The following PATJ variants were observed in gnomAD, a reference collection of about 807,000 sequenced individuals.
The protein encoded by PATJ is inaD-like protein.
A neutral mutation model predicts 224.9 loss-of-function variants in PATJ; 190 were observed. That is an observed-to-expected ratio of 0.84 (90% CI 0.75 to 0.95). PATJ has a LOEUF of 0.95. Among genes scored for constraint, PATJ ranks in the 40% least tolerant of loss-of-function variants. The pLI, the probability that PATJ is intolerant of heterozygous loss-of-function variation, is 0.00. For synonymous variants in PATJ, 769 were observed against 820.3 expected (o/e 0.94, Z 1.07); for missense variants, 2,121 against 2,270.3 (o/e 0.93, Z 1.34).
At position 61,908,475 on chromosome 1, in the gene PATJ, C is replaced by T; in HGVS notation, c.3485C>T (p.Thr1162Ile). The T allele has an allele frequency of 6.2e-7, 1 of 1,606,458 alleles. No homozygotes were observed. The change falls in exon 25 of 44, where the codon ACT becomes ATT. Residue 1162 changes from threonine to isoleucine, a missense_variant. Physicochemically the swap from Thr to Ile is moderately conservative, Grantham distance 89. Transcript: ENST00000642238. ...TTCATTGTTCAGAGTTTGTCATCCA[C>T]TCCACGAGTAAGTTTTAGTTCATAT... ...VVFIVQSLSS[T>I]PRVIPNVHNK... is the part of the protein sequence containing the mutation.
intron 17 of PATJ, among the ~76,000 whole-genome samples, chr1:61,844,553 T>G (rs1180080525): frequency 1.3e-5 from 2 of 152,202 alleles, no homozygotes; most frequent in Admixed American, 1.3e-4. Flanking sequence ...GAGACCATAT[T>G]CACATAAATT....
At chr1:61,750,435 C>CTTTTTTT (rs3030066) in intron 1 of PATJ, among the ~76,000 whole-genome samples, 1 of 121,260 alleles carries the variant, frequency 8.2e-6, no homozygotes, top group African/African-American at 3.2e-5. Flanking sequence ...TTTTCTGGAG[C>CTTTTTTT]TTTTTTTTTT....
intron 1 of PATJ, among the ~76,000 whole-genome samples, chr1:61,742,873 G>A (rs1008970541): frequency 2.0e-5 from 3 of 151,608 alleles, no homozygotes; most frequent in African/African-American, 7.3e-5. Context: ...AGGGCTCGCC[G>A]AGGCCGCGGG....
At chr1:61,991,494 A>G in intron 28 of PATJ, 1 of 985,402 alleles carries the variant, frequency 1.0e-6, no homozygotes, top group Non-Finnish European at 1.2e-6. Flanking sequence ...TCTGACTCAG[A>G]ATAGAATTTA....
intron 14 of PATJ, among the ~76,000 whole-genome samples, chr1:61,814,582 G>GT (rs2148673638): frequency 6.6e-6 from 1 of 151,978 alleles, no homozygotes; most frequent in South Asian, 2.1e-4. Flanking sequence ...GATAGAAGGG[G>GT]TGTGTAGTTT....
At chr1:62,099,867 T>A (rs1409857668) in intron 33 of PATJ, among the ~76,000 whole-genome samples, 4 of 152,186 alleles carry the variant, frequency 2.6e-5, no homozygotes, top group African/African-American at 9.7e-5. Context: ...GTGTTATGAG[T>A]CTATTGTGAC....
chr1:62,063,453 C>A (rs1168781604), intron 31 of PATJ, among the ~76,000 whole-genome samples: 1 of 151,344 alleles, frequency 6.6e-6, no homozygotes, highest in Non-Finnish European at 1.5e-5. Flanking sequence ...CCTCTGGCTT[C>A]ATTTTTTTTT....
At chr1:61,788,434 C>T (rs184490491) in intron 8 of PATJ, among the ~76,000 whole-genome samples, 157 of 152,212 alleles carry the variant, frequency 1.0e-3, no homozygotes, top group Middle Eastern at 3.4e-3. Flanking sequence ...CTCAGGTCAT[C>T]TGAAATCTTC....
intron 20 of PATJ, 98 bp downstream of exon 20, chr1:61,864,731 TGGGCCTTTCCG>T: frequency 8.9e-7 from 1 of 1,122,782 alleles, no homozygotes; most frequent in African/African-American, 1.5e-5. Context: ...TGTTTTTAAA[TGGGCCTTTCCG>T]TAAGTCGTCA....
intron 16 of PATJ, among the ~76,000 whole-genome samples, chr1:61,829,190 A>G (rs777723698): frequency 1.3e-5 from 2 of 152,236 alleles, no homozygotes; most frequent in African/African-American, 2.4e-5. Flanking sequence ...CTTGTGGGCA[A>G]AGGCCATATC....
intron 27 of PATJ, among the ~76,000 whole-genome samples, chr1:61,967,689 CTCAAAAG>C (rs1438900047): frequency 6.6e-6 from 1 of 152,202 alleles, no homozygotes; most frequent in Non-Finnish European, 1.5e-5. Flanking sequence ...GTAACCGTCA[CTCAAAAG>C]GCAACATTTG....
chr1:62,069,997 A>G (rs1434232225), intron 31 of PATJ, among the ~76,000 whole-genome samples: 3 of 152,236 alleles, frequency 2.0e-5, no homozygotes, highest in Non-Finnish European at 4.4e-5. Flanking sequence ...TTTTCTAAAA[A>G]GTTCAAATGA....
chr1:61,937,947 G>T (rs1347088169), intron 27 of PATJ, among the ~76,000 whole-genome samples: 1 of 152,162 alleles, frequency 6.6e-6, no homozygotes, highest in Non-Finnish European at 1.5e-5. Flanking sequence ...ACCACGCCTG[G>T]CCTAGGGACT....
intron 22 of PATJ, among the ~76,000 whole-genome samples, chr1:61,884,987 C>T (rs369541573): frequency 7.2e-5 from 11 of 152,282 alleles, no homozygotes; most frequent in African/African-American, 2.6e-4. Context: ...ATGTTGAGGT[C>T]TGTCTGGACA....
chr1:61,999,644 G>T (rs1645626220), intron 28 of PATJ, among the ~76,000 whole-genome samples: 1 of 152,072 alleles, frequency 6.6e-6, no homozygotes, highest in South Asian at 2.1e-4. Flanking sequence ...CTCCAGCCTG[G>T]GTGACAGAGT....
chr1:61,775,310 A>G lies in PATJ; in HGVS notation c.825A>G (p.Ile275Met). Residue 275 changes from isoleucine to methionine, a missense_variant, in exon 7 of 44, where the codon ATA (isoleucine) becomes ATG (methionine). Physicochemically the swap from Ile to Met is conservative, Grantham distance 10 (BLOSUM62 1). Transcript: ENST00000642238. ...GKTSGVVVRT[I>M]VPGGLADRDG... ...CAAGTGGCGTGGTTGTGAGGACTAT[A>G]GTTCCTGGAGGATTAGCAGATCGAG... 6.2e-7 allele frequency: 1 copy of G among 1,613,164 alleles called. No individual in the cohort carries two copies. The highest frequency in any genetic ancestry group is 8.5e-7 in the Non-Finnish European group (1 of 1,179,638).
intron 16 of PATJ, among the ~76,000 whole-genome samples, chr1:61,830,802 T>C (rs558758774): frequency 6.6e-6 from 1 of 152,114 alleles, no homozygotes; most frequent in African/African-American, 2.4e-5. Context: ...ATTTGGAAAA[T>C]GTTGCTGGGA....
At chr1:62,056,731 A>G (rs1654612251) in intron 31 of PATJ, among the ~76,000 whole-genome samples, 1 of 152,164 alleles carries the variant, frequency 6.6e-6, no homozygotes, top group South Asian at 2.1e-4. Context: ...CAGTGAGCCA[A>G]TATCACACCA....
intron 17 of PATJ, among the ~76,000 whole-genome samples, chr1:61,842,577 C>G (rs567435402): frequency 6.6e-6 from 1 of 152,106 alleles, no homozygotes; most frequent in East Asian, 1.9e-4. Context: ...CGTGGCCAAA[C>G]TATAAATATT....
Sources: gnomAD v4.1 joint callset for allele counts (sites outside exome capture counted in the v4.1 genomes callset) on GRCh38, gnomAD v4.1.1 for gene constraint, MANE v1.5 for transcripts, NCBI Gene and HGNC (gene_info 2026-07-23, HGNC 2026-07-21) for gene names.